Variants in USP47 observed in about 807,000 individuals in gnomAD.
USP47 encodes the protein ubiquitin carboxyl-terminal hydrolase 47.
In USP47, 35 loss-of-function variants were observed where a neutral mutation model predicts 165.1. The observed-to-expected ratio is 0.21, with a 90% confidence interval of 0.16 to 0.28. The LOEUF (loss-of-function observed/expected upper bound fraction) is 0.28, where lower values mean the gene tolerates loss of function less well. Among genes scored for constraint, USP47 ranks in the 10% least tolerant of loss-of-function variants. The pLI, the probability that USP47 is intolerant of heterozygous loss-of-function variation, is 1.00. For missense variants in USP47, 1,277 were observed against 1,607.4 expected (o/e 0.79, Z 3.52); for synonymous variants, 531 against 544.5 (o/e 0.98, Z 0.35).
intron 8 of USP47, among the ~76,000 whole-genome samples, chr11:11,916,935 A>G (rs1294104276): frequency 1.4e-5 from 2 of 145,328 alleles, no homozygotes; most frequent in East Asian, 3.9e-4. Context: ...GGATCCCTTG[A>G]ACCCAGGAGT....
intron 1 of USP47, among the ~76,000 whole-genome samples, chr11:11,857,981 C>T (rs1849152813): frequency 6.6e-6 from 1 of 152,082 alleles, no homozygotes; most frequent in Non-Finnish European, 1.5e-5. Flanking sequence ...TGTAGCTTCA[C>T]TTCAGCCTCT....
intron 14 of USP47, among the ~76,000 whole-genome samples, chr11:11,932,114 A>T (rs1439477007): frequency 6.6e-6 from 1 of 152,174 alleles, no homozygotes; most frequent in African/African-American, 2.4e-5. Flanking sequence ...GGGAGCTTTC[A>T]GTCATGTCAG....
chr11:11,882,689 A>G (rs1850908444), intron 2 of USP47, among the ~76,000 whole-genome samples: 1 of 152,064 alleles, frequency 6.6e-6, no homozygotes, highest in African/African-American at 2.4e-5. Flanking sequence ...CTTTAAAAGT[A>G]ATTTTTTTCT....
At chr11:11,892,247 G>A (rs1484757485) in intron 4 of USP47, 141 bp downstream of exon 4, 2 of 818,242 alleles carry the variant, frequency 2.4e-6, no homozygotes, top group African/African-American at 3.5e-5. Context: ...CGCAAAGTTA[G>A]AAGAAGTATG....
chr11:11,920,642 T>G (rs1853770397), intron 10 of USP47, 148 bp downstream of exon 10: 1 of 651,820 alleles, frequency 1.5e-6, no homozygotes, highest in Non-Finnish European at 2.3e-6. Context: ...AATGTGGAAT[T>G]CAATAAAATG....
chr11:11,880,469 A>C (rs1415757371), intron 2 of USP47, 89 bp downstream of exon 2: 2 of 1,046,526 alleles, frequency 1.9e-6, no homozygotes, highest in East Asian at 6.5e-5. Context: ...TGGAACTCTT[A>C]AAATCATAAA....
At chr11:11,848,333 C>T (rs187907504) in intron 1 of USP47, among the ~76,000 whole-genome samples, 88 of 152,304 alleles carry the variant, frequency 5.8e-4, no homozygotes, top group East Asian at 5.8e-4. Context: ...TCCTAGGCTA[C>T]AGCATGTTAC....
intron 1 of USP47, among the ~76,000 whole-genome samples, chr11:11,869,085 G>A (rs140170147): frequency 8.7e-4 from 132 of 152,066 alleles, no homozygotes; most frequent in African/African-American, 3.0e-3. Flanking sequence ...AGTCCTTAAC[G>A]GAATCTTTGC....
intron 24 of USP47, 77 bp downstream of exon 24, chr11:11,950,559 A>G (rs1564895535): frequency 1.0e-6 from 1 of 985,774 alleles, no homozygotes; most frequent in East Asian, 2.4e-5. Context: ...TTTTTAATCA[A>G]ATAATGAGTT....
intron 8 of USP47, among the ~76,000 whole-genome samples, chr11:11,914,947 G>A (rs549666727): frequency 6.6e-6 from 1 of 152,256 alleles, no homozygotes; most frequent in African/African-American, 2.4e-5. Flanking sequence ...GACACGTGCA[G>A]TTACCATAAA....
chr11:11,861,867 C>A (rs1362627951), intron 1 of USP47, among the ~76,000 whole-genome samples: 1 of 152,064 alleles, frequency 6.6e-6, no homozygotes, highest in African/African-American at 2.4e-5. Context: ...TAATTTATAA[C>A]ATGTTTATTA....
intron 1 of USP47, among the ~76,000 whole-genome samples, chr11:11,864,542 G>T (rs931863249): frequency 1.3e-5 from 2 of 148,758 alleles, no homozygotes; most frequent in East Asian, 4.0e-4. Flanking sequence ...ATTCCTCTCT[G>T]CCCCTAACCT....
chr11:11,904,609 C>T (rs1349917864), intron 7 of USP47, among the ~76,000 whole-genome samples: 1 of 152,090 alleles, frequency 6.6e-6, no homozygotes, highest in Non-Finnish European at 1.5e-5. Context: ...TCAGCACTTC[C>T]ATTAAGATCA....
intron 1 of USP47, among the ~76,000 whole-genome samples, chr11:11,854,103 C>A (rs1848886914): frequency 7.1e-6 from 1 of 141,296 alleles, no homozygotes; most frequent in Non-Finnish European, 1.6e-5. Context: ...CCACTGCACT[C>A]CAGCTAGGGG....
chr11:11,940,291 T>C, intron 18 of USP47, 138 bp from the exon 19 acceptor site: 1 of 868,362 alleles, frequency 1.2e-6, no homozygotes, highest in Non-Finnish European at 1.6e-6. Flanking sequence ...TATTCAAAAA[T>C]TTTAAAACCT....
In USP47 at chr11:11,954,904, A is replaced by G; in HGVS notation, c.3722A>G (p.Glu1241Gly). 6.2e-7 allele frequency: 1 copy of G among 1,613,602 alleles called. No homozygotes were observed. The highest frequency in any genetic ancestry group is 8.5e-7 in the Non-Finnish European group (1 of 1,179,862). The change falls in exon 26 of 28, where the codon GAA becomes GGA. Residue 1241 changes from glutamate to glycine, a missense_variant. Physicochemically the swap from Glu to Gly is moderately conservative, Grantham distance 98. This residue lies in a region of USP47 where 909 missense variants were observed against 1,068.1 expected (regional missense o/e 0.85). Coordinates refer to ENST00000527733, the MANE Select transcript of USP47 (RefSeq NM_001282659.2). ...AAATGTTTTATTTTACAGCTTAGTG[A>G]AATCAGTGGGATTCCTTTGGATGAT... is the stretch of plus-strand genomic sequence containing the variant. ...SVDELREKLSEISGIPLDDIE... is the reference protein window; with the variant it reads ...SVDELREKLSGISGIPLDDIE...
chr11:11,951,646 T>C (rs551070657), intron 24 of USP47: 2 of 152,304 alleles, frequency 1.3e-5, no homozygotes, highest in Admixed American at 6.5e-5. Context: ...TGTTACAAGA[T>C]TATCCTAGTT....
intron 16 of USP47, among the ~76,000 whole-genome samples, chr11:11,934,507 A>T (rs773620875): frequency 1.3e-5 from 2 of 152,158 alleles, no homozygotes; most frequent in Non-Finnish European, 2.9e-5. Context: ...CCATAGTCAG[A>T]TGCGTTACCC....
Position 11,929,447 on chromosome 11 carries a change from A to G in USP47, c.1400A>G (p.Tyr467Cys). ...KSGLEKNSLI[Y>C]ELFSVMVHSG... The stretch of plus-strand genomic sequence containing the variant: ...TTTTCCCCTTAGAATTCCTTGATCT[A>G]TGAACTTTTCTCTGTTATGGTTCAT... Residue 467 changes from tyrosine (Y) to cysteine (C), a missense_variant, in exon 12 of 28, where the codon TAT becomes TGT. Transcript: ENST00000527733. The G allele has an allele frequency of 6.2e-7, 1 of 1,612,688 alleles. No individual in the cohort carries two copies. The highest frequency in any genetic ancestry group is 8.5e-7 in the Non-Finnish European group (1 of 1,179,136).
Sources: allele counts gnomAD v4.1 joint callset (sites outside exome capture counted in the v4.1 genomes callset), GRCh38; gene constraint gnomAD v4.1.1; regional missense constraint gnomAD v4.1.1; transcripts MANE v1.5; gene names NCBI Gene and HGNC (gene_info 2026-07-23, HGNC 2026-07-21).